The following UNC5D variants were observed in gnomAD, a reference collection of about 807,000 sequenced individuals.
UNC5D encodes the protein netrin receptor UNC5D.
Under a neutral mutation model 105.4 loss-of-function variants are expected in UNC5D, and 39 were observed. The observed-to-expected ratio is 0.37, with a 90% CI of 0.29 to 0.48. UNC5D has a LOEUF of 0.48. UNC5D is among the 20% of genes least tolerant of loss of function. The pLI, the probability that UNC5D is intolerant of heterozygous loss-of-function variation, is 0.98. For synonymous variants in UNC5D, 452 were observed against 450.4 expected (o/e 1.00, Z -0.04); for missense variants, 991 against 1,202.4 (o/e 0.82, Z 2.60).
chr8:35,280,128 T>G (rs1255746357), intron 1 of UNC5D, among the ~76,000 whole-genome samples: 4 of 152,130 alleles, frequency 2.6e-5, no homozygotes, highest in Non-Finnish European at 4.4e-5. Flanking sequence ...CCCAAATAGC[T>G]GGGATTACAG....
intron 1 of UNC5D, among the ~76,000 whole-genome samples, chr8:35,398,695 GTAGTGGTGGACTGTT>G (rs1180048427): frequency 2.0e-5 from 3 of 152,094 alleles, no homozygotes; most frequent in Non-Finnish European, 2.9e-5. Context: ...TTAGAAAAAT[GTAGTGGTGGACTGTT>G]TAGTGGTGGG....
At position 35,281,837 on chromosome 8, in the gene UNC5D, G is replaced by A. The variant is rs542773276; in HGVS notation, c.103+45950G>A. Among the ~76,000 whole-genome samples the A allele has an allele frequency of 4.6e-5, 7 of 152,242 alleles. No individual in the cohort carries two copies. In the South Asian group the frequency reaches 1.2e-3, roughly 27 times the overall value. The stretch of plus-strand genomic sequence containing the variant: ...TCTCCATTCCTAGCCTGCTTACTTC[G>A]TTGGGTTTGGTGAATAGAGTTATGA... On this transcript the variant is annotated intron_variant, in intron 1 of 16. Coordinates refer to ENST00000404895, the MANE Select transcript of UNC5D (RefSeq NM_080872.4).
chr8:35,585,431 T>G (rs1818724509), intron 3 of UNC5D, among the ~76,000 whole-genome samples: 1 of 152,132 alleles, frequency 6.6e-6, no homozygotes. Flanking sequence ...CTTTCTTCGT[T>G]ATTGCTGTAA....
intron 10 of UNC5D, among the ~76,000 whole-genome samples, chr8:35,728,091 A>ATAT (rs1467496369): frequency 3.9e-5 from 5 of 128,976 alleles, no homozygotes; most frequent in African/African-American, 2.0e-4. Flanking sequence ...AAAAAAAAAA[A>ATAT]AAAAATATAT....
intron 7 of UNC5D, among the ~76,000 whole-genome samples, chr8:35,698,140 T>A (rs1405377036): frequency 6.6e-6 from 1 of 152,176 alleles, no homozygotes; most frequent in African/African-American, 2.4e-5. Flanking sequence ...AAATTGTATA[T>A]GTTTAAATTG....
chr8:35,558,748 C>T (rs546644132), intron 2 of UNC5D, among the ~76,000 whole-genome samples: 1 of 152,046 alleles, frequency 6.6e-6, no homozygotes, highest in Non-Finnish European at 1.5e-5. Flanking sequence ...TTTGGGAGGC[C>T]GAGGTGGGCG....
Position 35,420,313 on chromosome 8 carries a change from C to T in UNC5D, c.104-128979C>T, listed in dbSNP as rs1195080940. Among the ~76,000 whole-genome samples, 6 of 152,214 alleles carry T rather than the reference C, an allele frequency of 3.9e-5. No homozygotes were observed. In the South Asian group the frequency reaches 1.0e-3, roughly 26 times the overall value. ...ACCTGGAGTATAATTCATACATACC[C>T]TCTTGATGAGAGATTTAAGAACAAG... On this transcript the variant is annotated intron_variant, in intron 1 of 16. Coordinates refer to ENST00000404895, the MANE Select transcript of UNC5D (RefSeq NM_080872.4).
At chr8:35,400,238 C>G (rs143452954) in intron 1 of UNC5D, among the ~76,000 whole-genome samples, 1 of 150,698 alleles carries the variant, frequency 6.6e-6, no homozygotes, top group South Asian at 2.1e-4. Flanking sequence ...TTTTTTTTAA[C>G]GGAAAAAATG....
chr8:35,674,845 ACAAT>A (rs765341897), intron 4 of UNC5D, among the ~76,000 whole-genome samples: 2 of 152,196 alleles, frequency 1.3e-5, no homozygotes, highest in African/African-American at 4.8e-5. Context: ...TCACAAAAGC[ACAAT>A]CAATCAATCA....
At chr8:35,603,103 G>A (rs1027390936) in intron 4 of UNC5D, among the ~76,000 whole-genome samples, 2 of 151,888 alleles carry the variant, frequency 1.3e-5, no homozygotes, top group African/African-American at 4.8e-5. Context: ...GAATGTGTTT[G>A]CTCTTGCTTC....
intron 4 of UNC5D, among the ~76,000 whole-genome samples, chr8:35,644,190 T>C (rs983811552): frequency 1.3e-5 from 2 of 152,112 alleles, no homozygotes; most frequent in African/African-American, 2.4e-5. Flanking sequence ...AAGGCTTATA[T>C]AGAGTTAGGG....
At chr8:35,254,886 A>G (rs1362772093) in intron 1 of UNC5D, 1 of 152,210 alleles carries the variant, frequency 6.6e-6, no homozygotes, top group Non-Finnish European at 1.5e-5. Flanking sequence ...TAGGTATCCA[A>G]GATGTACTAA....
rs141394562 is a variant in UNC5D, at chr8:35,668,423, T to A, written c.571-15124T>A. 5.9e-3 allele frequency among the ~76,000 whole-genome samples: 904 copies of A among 152,246 alleles called. 12 individuals carry two copies. The highest frequency in any genetic ancestry group is 0.02 in the African/African-American group (823 of 41,568). On this transcript the variant is annotated intron_variant, in intron 4 of 16. Coordinates refer to ENST00000404895, the MANE Select transcript of UNC5D (RefSeq NM_080872.4). Reference sequence around the variant, plus strand: ...GTCATGCTGCAAACATTTTTTAAACTTTTTTTCCATATTTACCATTTTTGC... The same window carrying A: ...GTCATGCTGCAAACATTTTTTAAACATTTTTTCCATATTTACCATTTTTGC...
At chr8:35,500,886 A>T (rs951954888) in intron 1 of UNC5D, among the ~76,000 whole-genome samples, 4 of 152,228 alleles carry the variant, frequency 2.6e-5, no homozygotes, top group Non-Finnish European at 5.9e-5. Flanking sequence ...GTTTTAGTTA[A>T]AAATAAGATC....
intron 1 of UNC5D, among the ~76,000 whole-genome samples, chr8:35,362,600 T>G (rs1012707623): frequency 6.6e-6 from 1 of 152,226 alleles, no homozygotes; most frequent in Non-Finnish European, 1.5e-5. Flanking sequence ...CATTTTGAAT[T>G]ATTCTCAGAC....
At chr8:35,617,810 T>C (rs1311763890) in intron 4 of UNC5D, among the ~76,000 whole-genome samples, 1 of 152,188 alleles carries the variant, frequency 6.6e-6, no homozygotes, top group Non-Finnish European at 1.5e-5. Flanking sequence ...TGTGGTGAAT[T>C]TTGATTTAAA....
chr8:35,376,410 G>T (rs1337826999), intron 1 of UNC5D, among the ~76,000 whole-genome samples: 1 of 152,150 alleles, frequency 6.6e-6, no homozygotes, highest in Non-Finnish European at 1.5e-5. Context: ...GTCCCATGTG[G>T]TGAGACTAAA....
chr8:35,525,561 A>G, intron 1 of UNC5D: 25 of 1,612,724 alleles, frequency 1.6e-5, no homozygotes, highest in Non-Finnish European at 2.0e-5. Flanking sequence ...GTCATTAATT[A>G]TTTCCACTTC....
In UNC5D at chr8:35,594,640, G is replaced by C. The variant is rs76230049; in HGVS notation, c.467-914G>C. 2.0e-5 allele frequency among the ~76,000 whole-genome samples: 3 copies of C among 152,238 alleles called. No individual in the cohort carries two copies. The East Asian group carries it at 5.8e-4, about 29-fold the overall frequency. ...AAAGAGTTGTCATGACACCTCGAGA[G>C]AAGTAAAGGCCAACTCCCCACCTTT... On this transcript the variant is annotated intron_variant, in intron 3 of 16. Coordinates refer to ENST00000404895, the MANE Select transcript of UNC5D (RefSeq NM_080872.4).
Sources: allele counts gnomAD v4.1 joint callset (sites outside exome capture counted in the v4.1 genomes callset), GRCh38; gene constraint gnomAD v4.1.1; transcripts MANE v1.5; gene names NCBI Gene and HGNC (gene_info 2026-07-23, HGNC 2026-07-21).